FAM81A: variants seen among roughly 807,000 people sequenced by gnomAD.
FAM81A encodes family with sequence similarity 81 member A.
A neutral mutation model predicts 46.7 loss-of-function variants in FAM81A; 19 were observed. The ratio of observed to expected loss-of-function variants is 0.41; its 90% confidence interval spans 0.28 to 0.60. FAM81A has a LOEUF of 0.60. FAM81A is among the 20% of genes least tolerant of loss of function. The pLI, the probability that FAM81A is intolerant of heterozygous loss-of-function variation, is 0.34. For missense variants in FAM81A, 377 were observed against 453.5 expected (o/e 0.83, Z 1.53); for synonymous variants, 183 against 152.9 (o/e 1.20, Z -1.45).
At chr15:59,443,740 G>A (rs899799951) in intron 1 of FAM81A, among the ~76,000 whole-genome samples, 2 of 152,154 alleles carry the variant, frequency 1.3e-5, no homozygotes, top group Non-Finnish European at 2.9e-5. Flanking sequence ...AAGTTGAGGT[G>A]TCCCCTGCAC....
intron 4 of FAM81A, among the ~76,000 whole-genome samples, chr15:59,498,297 T>C (rs1392723532): frequency 6.6e-6 from 1 of 152,252 alleles, no homozygotes; most frequent in African/African-American, 2.4e-5. Flanking sequence ...TTCTTTTTGA[T>C]GCTATTGTAA....
intron 2 of FAM81A, chr15:59,407,724 G>T: frequency 5.0e-6 from 1 of 199,014 alleles, no homozygotes; most frequent in South Asian, 7.5e-5. Context: ...AGGTGGCAAT[G>T]GTGATAACTC....
intron 3 of FAM81A, among the ~76,000 whole-genome samples, chr15:59,486,428 T>C (rs1355745120): frequency 3.3e-5 from 5 of 151,780 alleles, no homozygotes; most frequent in Non-Finnish European, 4.4e-5. Flanking sequence ...CTAAAAGTTA[T>C]TGGTTTTTAA....
intron 4 of FAM81A, among the ~76,000 whole-genome samples, chr15:59,494,935 A>G (rs1206670314): frequency 1.3e-5 from 2 of 152,176 alleles, no homozygotes; most frequent in African/African-American, 2.4e-5. Context: ...TGAGATACAC[A>G]TTTAGCTCAT....
intron 2 of FAM81A, among the ~76,000 whole-genome samples, chr15:59,415,054 G>C (rs1456645894): frequency 6.6e-6 from 1 of 151,278 alleles, no homozygotes; most frequent in African/African-American, 2.4e-5. Context: ...CTGACCTCAC[G>C]ATCTGCCTGC....
At chr15:59,420,414 A>C (rs1334127601) in intron 2 of FAM81A, among the ~76,000 whole-genome samples, 1 of 152,160 alleles carries the variant, frequency 6.6e-6, no homozygotes, top group Non-Finnish European at 1.5e-5. Context: ...AAATTAAACA[A>C]CCCTTAACTA....
At chr15:59,459,141 T>C (rs1373366877) in intron 2 of FAM81A, among the ~76,000 whole-genome samples, 4 of 152,088 alleles carry the variant, frequency 2.6e-5, no homozygotes, top group Non-Finnish European at 4.4e-5. Flanking sequence ...ACTATAGTTA[T>C]GTGCCACCAT....
chr15:59,482,513 C>T (rs1275827401), intron 3 of FAM81A, among the ~76,000 whole-genome samples: 2 of 152,204 alleles, frequency 1.3e-5, no homozygotes, highest in Non-Finnish European at 2.9e-5. Flanking sequence ...AGGTGATCCA[C>T]CTGCCTTGAC....
At chr15:59,449,697 G>C (rs1257020732) in intron 1 of FAM81A, among the ~76,000 whole-genome samples, 1 of 141,976 alleles carries the variant, frequency 7.0e-6, no homozygotes, top group Non-Finnish European at 1.5e-5. Flanking sequence ...CAGGAGAATG[G>C]CGTGAACCCG....
At position 59,421,869 on chromosome 15, in the gene FAM81A, CTCTATCTATCTATCTATCTATCTA is replaced by C. The variant is rs59527837; in HGVS notation, c.-78+19542_-78+19565del. 1.8e-3 allele frequency among the ~76,000 whole-genome samples: 259 copies of C among 147,090 alleles called. 1 individual carries two copies. Among genetic ancestry groups the C allele is most frequent in the African/African-American group, 4.2e-3 (166 of 39,606 alleles). ...TTGGGGACAGATTAAACCCTCAACC[CTCTATCTATCTATCTATCTATCTA>C]TCTATCTATCTATCTATCTATCTAT... is the stretch of plus-strand genomic sequence containing the variant. On this transcript the variant is annotated intron_variant, in intron 2 of 4. Coordinates refer to the FAM81A transcript ENST00000558348.
intron 2 of FAM81A, among the ~76,000 whole-genome samples, chr15:59,406,289 A>G (rs2081094556): frequency 6.6e-6 from 1 of 152,182 alleles, no homozygotes; most frequent in Non-Finnish European, 1.5e-5. Context: ...AAGTTATCTC[A>G]TTTAACTGGC....
At chr15:59,470,655 C>T (rs1195461243) in intron 3 of FAM81A, among the ~76,000 whole-genome samples, 3 of 152,108 alleles carry the variant, frequency 2.0e-5, no homozygotes, top group African/African-American at 7.2e-5. Flanking sequence ...AGAACATGCT[C>T]CTTTAGCTCA....
chr15:59,407,291 C>CTT (rs3053043), intron 2 of FAM81A: 38,725 of 115,770 alleles, frequency 0.33, 7,990 homozygotes, highest in Non-Finnish European at 0.44. Flanking sequence ...CTTTTCTTTC[C>CTT]TTTTTTTTTT....
At chr15:59,408,051 C>G (rs1324765921) in intron 2 of FAM81A, 1 of 167,270 alleles carries the variant, frequency 6.0e-6, no homozygotes, top group Non-Finnish European at 1.3e-5. Context: ...ATTCTTAGGC[C>G]TTTTCTCCAA....
At chr15:59,513,682 G>A (rs2082236975) in intron 6 of FAM81A, among the ~76,000 whole-genome samples, 1 of 152,026 alleles carries the variant, frequency 6.6e-6, no homozygotes, top group Middle Eastern at 3.2e-3. Flanking sequence ...AAAAAAAATT[G>A]TTAGAACCAG....
intron 2 of FAM81A, among the ~76,000 whole-genome samples, chr15:59,430,940 C>G (rs573178452): frequency 6.6e-6 from 1 of 152,232 alleles, no homozygotes; most frequent in South Asian, 2.1e-4. Context: ...TTAATTAAAT[C>G]TTTACTCTTC....
chr15:59,483,821 T>C (rs2081884411), intron 3 of FAM81A, among the ~76,000 whole-genome samples: 1 of 152,162 alleles, frequency 6.6e-6, no homozygotes, highest in Non-Finnish European at 1.5e-5. Flanking sequence ...ATCCCATGGT[T>C]AGGAGTCTCA....
chr15:59,520,228 A>G (rs563473290), intron 8 of FAM81A, among the ~76,000 whole-genome samples: 1 of 152,156 alleles, frequency 6.6e-6, no homozygotes, highest in South Asian at 2.1e-4. Flanking sequence ...GTTTTCCACT[A>G]TGGCTGCCCC....
At chr15:59,497,823 C>T (rs1319943190) in intron 4 of FAM81A, among the ~76,000 whole-genome samples, 3 of 151,942 alleles carry the variant, frequency 2.0e-5, no homozygotes, top group East Asian at 3.9e-4. Flanking sequence ...AGAGCAAGAC[C>T]CTGTTTCAAA....
Sources: gnomAD v4.1 joint callset for allele counts (sites outside exome capture counted in the v4.1 genomes callset) on GRCh38, gnomAD v4.1.1 for gene constraint, MANE v1.5 for transcripts, NCBI Gene and HGNC (gene_info 2026-07-23, HGNC 2026-07-21) for gene names.